OPCML: variants seen among roughly 807,000 people sequenced by gnomAD.
OPCML encodes opioid binding protein/cell adhesion molecule like.
In OPCML, 13 loss-of-function variants were observed where a neutral mutation model predicts 37.8. That is an observed-to-expected ratio of 0.34 (90% confidence interval 0.22 to 0.55). OPCML has a LOEUF of 0.55. OPCML is among the 20% of genes least tolerant of loss of function. The pLI is 0.91. For synonymous variants in OPCML, 176 were observed against 168.8 expected, an observed-to-expected ratio of 1.04 and a Z score of -0.33; for missense variants, 341 against 435.6, an observed-to-expected ratio of 0.78 and a Z score of 1.93.
intron 2 of OPCML, among the ~76,000 whole-genome samples, chr11:132,693,050 G>C (rs1239323591): frequency 6.6e-6 from 1 of 152,194 alleles, no homozygotes; most frequent in African/African-American, 2.4e-5. Context: ...GGTATCATTG[G>C]AGAATATGTC....
intron 1 of OPCML, among the ~76,000 whole-genome samples, chr11:133,355,595 C>G (rs1025921705): frequency 6.6e-6 from 1 of 152,162 alleles, no homozygotes; most frequent in African/African-American, 2.4e-5. Context: ...GTCGGTGGCA[C>G]AGCTGGGCCC....
intron 2 of OPCML, among the ~76,000 whole-genome samples, chr11:132,759,650 C>T (rs1946190121): frequency 6.6e-6 from 1 of 151,704 alleles, no homozygotes; most frequent in African/African-American, 2.4e-5. Flanking sequence ...GGTGATATCC[C>T]CTTTATCATT....
At chr11:133,096,583 A>C (rs1049635784) in intron 1 of OPCML, among the ~76,000 whole-genome samples, 3 of 152,062 alleles carry the variant, frequency 2.0e-5, no homozygotes, top group Non-Finnish European at 4.4e-5. Context: ...ATTAAAACAG[A>C]GATTTTCAGA....
chr11:133,405,794 C>A (rs1029293725), intron 1 of OPCML, among the ~76,000 whole-genome samples: 1 of 152,152 alleles, frequency 6.6e-6, no homozygotes, highest in African/African-American at 2.4e-5. Context: ...TTGTTTCCTG[C>A]CTCTGAACCT....
chr11:132,726,941 G>A (rs1320720404), intron 2 of OPCML, among the ~76,000 whole-genome samples: 2 of 152,176 alleles, frequency 1.3e-5, no homozygotes, highest in Middle Eastern at 3.4e-3. Flanking sequence ...GTAAAACTCC[G>A]TTTTAATGTC....
rs374494536 is a variant in OPCML, at chr11:132,433,201, T to C, written c.916+2885A>G. On this transcript the variant is annotated intron_variant, in intron 7 of 7. Coordinates refer to ENST00000524381, the MANE Select transcript of OPCML (RefSeq NM_001012393.5). Reference sequence around the variant, plus strand: ...GCAGGCATATGGGGGGAAGAGGCGATAGCATGGGCCATGTCACAATAAGTG... The same window carrying C: ...GCAGGCATATGGGGGGAAGAGGCGACAGCATGGGCCATGTCACAATAAGTG... 1.8e-4 allele frequency among the ~76,000 whole-genome samples: 28 copies of C among 152,264 alleles called. No individual in the cohort carries two copies. The South Asian group carries it at 5.4e-3, about 29-fold the overall frequency.
intron 2 of OPCML, among the ~76,000 whole-genome samples, chr11:132,882,122 G>A (rs773618034): frequency 6.6e-6 from 1 of 152,176 alleles, no homozygotes; most frequent in Non-Finnish European, 1.5e-5. Context: ...TAACTACAGA[G>A]GAGGGGGAGG....
At chr11:132,730,561 G>A (rs552151792) in intron 2 of OPCML, among the ~76,000 whole-genome samples, 4 of 152,292 alleles carry the variant, frequency 2.6e-5, no homozygotes, top group East Asian at 1.9e-4. Context: ...ACCCCCTGGA[G>A]AAGCACCTGA....
chr11:132,920,851 C>T (rs192759107), intron 2 of OPCML, among the ~76,000 whole-genome samples: 12 of 152,120 alleles, frequency 7.9e-5, no homozygotes, highest in Non-Finnish European at 1.2e-4. Flanking sequence ...GCCTGGCCGG[C>T]GGGAGCCCAC....
At chr11:133,064,267 C>T (rs1413100860) in intron 1 of OPCML, among the ~76,000 whole-genome samples, 2 of 152,212 alleles carry the variant, frequency 1.3e-5, no homozygotes, top group East Asian at 3.9e-4. Flanking sequence ...CTGATGCCGC[C>T]GGCACAGCTT....
At chr11:133,500,257 C>T (rs1947882727) in intron 1 of OPCML, among the ~76,000 whole-genome samples, 1 of 152,178 alleles carries the variant, frequency 6.6e-6, no homozygotes, top group Non-Finnish European at 1.5e-5. Flanking sequence ...TCAGCACTAG[C>T]ACACAGCATC....
At chr11:133,392,709 C>T (rs1312792499) in intron 1 of OPCML, among the ~76,000 whole-genome samples, 3 of 152,204 alleles carry the variant, frequency 2.0e-5, no homozygotes, top group Non-Finnish European at 2.9e-5. Context: ...GGGGAGAAAA[C>T]CAAGAGGAAG....
intron 3 of OPCML, among the ~76,000 whole-genome samples, chr11:132,582,383 T>A (rs80274289): frequency 0.011 from 1,734 of 152,132 alleles, 16 homozygotes; most frequent in Non-Finnish European, 0.019. Flanking sequence ...AGAAATAGAA[T>A]AGACACTGCT....
chr11:132,936,476 A>G (rs1484639693), intron 2 of OPCML, among the ~76,000 whole-genome samples: 1 of 152,190 alleles, frequency 6.6e-6, no homozygotes, highest in Non-Finnish European at 1.5e-5. Context: ...TCTGACACAT[A>G]GTAAACCATG....
intron 2 of OPCML, among the ~76,000 whole-genome samples, chr11:132,823,650 T>C (rs955735364): frequency 1.3e-5 from 2 of 152,160 alleles, no homozygotes; most frequent in Admixed American, 1.3e-4. Flanking sequence ...TCTCCATTTA[T>C]CGTCTCATAT....
chr11:132,911,219 C>G (rs747605555), intron 2 of OPCML, among the ~76,000 whole-genome samples: 3 of 152,182 alleles, frequency 2.0e-5, no homozygotes, highest in Non-Finnish European at 4.4e-5. Context: ...GTCAACTTTG[C>G]GAAGAATTTC....
At chr11:132,985,639 C>G (rs995090706) in intron 1 of OPCML, among the ~76,000 whole-genome samples, 3 of 152,174 alleles carry the variant, frequency 2.0e-5, no homozygotes, top group African/African-American at 7.2e-5. Flanking sequence ...GATGCAAAAT[C>G]TCTTCTTTCC....
chr11:132,623,896 G>C (rs2137936084), intron 3 of OPCML, among the ~76,000 whole-genome samples: 1 of 152,294 alleles, frequency 6.6e-6, no homozygotes, highest in South Asian at 2.1e-4. Context: ...GAGAAATTTG[G>C]GGGCTTATAC....
At chr11:133,484,959 CT>C (rs1947496465) in intron 1 of OPCML, among the ~76,000 whole-genome samples, 1 of 151,896 alleles carries the variant, frequency 6.6e-6, no homozygotes, top group Non-Finnish European at 1.5e-5. Flanking sequence ...GCACATAAAT[CT>C]TCATAGCAAA....
Sources: gnomAD v4.1 joint callset for allele counts (sites outside exome capture counted in the v4.1 genomes callset) on GRCh38, gnomAD v4.1.1 for gene constraint, MANE v1.5 for transcripts, NCBI Gene and HGNC (gene_info 2026-07-23, HGNC 2026-07-21) for gene names.